MED13L: variants seen among roughly 807,000 people sequenced by gnomAD.
MED13L encodes mediator complex subunit 13L, also known as mediator of RNA polymerase II transcription subunit 13-like.
In MED13L, 7 loss-of-function variants were observed where a neutral mutation model predicts 220.9. That is an observed-to-expected ratio of 0.03 (90% CI 0.02 to 0.06). MED13L has a LOEUF of 0.06. Ranked by LOEUF, MED13L falls within the 10% of genes least tolerant of loss-of-function variation. MED13L has a pLI of 1.00. For synonymous variants in MED13L, 1,011 were observed against 1,015.2 expected, an observed-to-expected ratio of 1.00 and a Z score of 0.08; for missense variants, 1,965 against 2,760.5, an observed-to-expected ratio of 0.71 and a Z score of 6.46.
chr12:116,205,358 A>G (rs903033483), intron 2 of MED13L, among the ~76,000 whole-genome samples: 3 of 151,884 alleles, frequency 2.0e-5, no homozygotes, highest in Admixed American at 2.0e-4. Context: ...TTTACACTCA[A>G]TGAGACTCAA....
intron 2 of MED13L, among the ~76,000 whole-genome samples, chr12:116,227,007 C>T (rs899420259): frequency 2.0e-5 from 3 of 150,706 alleles, no homozygotes; most frequent in Admixed American, 6.6e-5. Context: ...CTGAGTATAT[C>T]AAGTTTTAAT....
intron 19 of MED13L, among the ~76,000 whole-genome samples, chr12:115,984,891 G>T (rs1877582012): frequency 6.6e-6 from 1 of 151,666 alleles, no homozygotes; most frequent in African/African-American, 2.4e-5. Context: ...AAGTAAATAG[G>T]ACAAGGAGAT....
chr12:116,034,172 C>T (rs1468676340), intron 4 of MED13L, among the ~76,000 whole-genome samples: 2 of 152,068 alleles, frequency 1.3e-5, no homozygotes, highest in Non-Finnish European at 1.5e-5. Context: ...CACAGCACTT[C>T]GATTTTTATA....
intron 14 of MED13L, 65 bp downstream of exon 14, chr12:116,002,938 T>G: frequency 2.7e-4 from 333 of 1,243,034 alleles, no homozygotes; most frequent in Non-Finnish European, 3.5e-4. Flanking sequence ...CCACTAAGTA[T>G]GAGAATATTA....
chr12:116,028,094 T>C (rs1176428632), intron 4 of MED13L, among the ~76,000 whole-genome samples: 3 of 152,310 alleles, frequency 2.0e-5, no homozygotes, highest in Middle Eastern at 3.4e-3. Flanking sequence ...ACGACTGGAA[T>C]TGGCCTTAAA....
intron 1 of MED13L, among the ~76,000 whole-genome samples, chr12:116,264,760 A>C (rs981459142): frequency 6.6e-6 from 1 of 152,116 alleles, no homozygotes; most frequent in African/African-American, 2.4e-5. Context: ...CAACAAACAC[A>C]AATCTACCTT....
At chr12:116,022,399 A>T in intron 5 of MED13L, 57 bp downstream of exon 5, 1 of 1,603,910 alleles carries the variant, frequency 6.2e-7, no homozygotes, top group Non-Finnish European at 8.5e-7. Context: ...TTACTGGGCA[A>T]GATGGTTATC....
At chr12:116,027,861 A>T (rs1880497533) in intron 4 of MED13L, among the ~76,000 whole-genome samples, 1 of 152,250 alleles carries the variant, frequency 6.6e-6, no homozygotes, top group African/African-American at 2.4e-5. Flanking sequence ...TTCAACAATG[A>T]GTTGTCACTC....
chr12:116,001,977 A>C (rs764972446), intron 14 of MED13L, among the ~76,000 whole-genome samples: 3 of 152,242 alleles, frequency 2.0e-5, no homozygotes, highest in Non-Finnish European at 2.9e-5. Context: ...AAAAAGGGTA[A>C]AGGATCAATG....
intron 1 of MED13L, among the ~76,000 whole-genome samples, chr12:116,263,525 A>C (rs764285149): frequency 4.6e-5 from 7 of 152,216 alleles, no homozygotes; most frequent in African/African-American, 7.2e-5. Flanking sequence ...CTATTGTGCT[A>C]ATCTCCAACT....
At chr12:116,150,408 C>G (rs376505431) in intron 2 of MED13L, among the ~76,000 whole-genome samples, 47 of 152,320 alleles carry the variant, frequency 3.1e-4, no homozygotes, top group African/African-American at 1.1e-3. Flanking sequence ...TTCTACTCTT[C>G]TTGTTACATC....
chr12:116,186,470 T>C (rs1227093258), intron 2 of MED13L, among the ~76,000 whole-genome samples: 1 of 151,706 alleles, frequency 6.6e-6, no homozygotes, highest in Non-Finnish European at 1.5e-5. Context: ...CACAGCAAAC[T>C]TTTTTTTTCC....
Position 116,031,759 on chromosome 12 carries a change from A to AGAAAGAAGGAAGGAAGGAAG in MED13L, c.480-9159_480-9158insCTTCCTTCCTTCCTTCTTTC, listed in dbSNP as rs1592967502. Among the ~76,000 whole-genome samples the AGAAAGAAGGAAGGAAGGAAG allele has an allele frequency of 8.5e-4, 35 of 40,986 alleles. 2 individuals are homozygous for AGAAAGAAGGAAGGAAGGAAG. Among genetic ancestry groups the AGAAAGAAGGAAGGAAGGAAG allele is most frequent in the East Asian group, 5.5e-3 (7 of 1,278 alleles). The allele number at this position is 40,986 out of a possible 152,430, so 26.9% of individuals were successfully genotyped here. A position where few individuals can be genotyped will look rare whatever the true frequency, so the allele number is the denominator to read the frequency against. Reference sequence around the variant, plus strand: ...AGAAAAGAAAAGAAAAGAAAAGAAAAGAAGGAAGGAAGGAAGGAAGGAAGG... The same window carrying AGAAAGAAGGAAGGAAGGAAG: ...AGAAAAGAAAAGAAAAGAAAAGAAAAGAAAGAAGGAAGGAAGGAAGGAAGGAAGGAAGGAAGGAAGGAAGG... On this transcript the variant is annotated intron_variant, in intron 4 of 30. Transcript: ENST00000281928.
chr12:116,003,087 G>A lies in MED13L; in HGVS notation c.2485C>T (p.Leu829=), dbSNP rs977124027. 3 of 1,613,952 alleles carry A rather than the reference G, an allele frequency of 1.9e-6. No homozygotes were observed. The highest frequency in any genetic ancestry group is 1.7e-5 in the Admixed American group (1 of 60,006). ...DDELGAVSPA[L]RSSKMPAVGT... is the part of the protein sequence containing the mutation. ...ACTGCAGGCATTTTTGATGAGCGCAGAGCAGGTGATACAGCCTAAGAACAG... is the reference window on the plus strand; with the variant it reads ...ACTGCAGGCATTTTTGATGAGCGCAAAGCAGGTGATACAGCCTAAGAACAG... Residue 829 remains leucine (L), a synonymous_variant, in exon 14 of 31, where the codon CTG becomes TTG. Coordinates refer to ENST00000281928, the MANE Select transcript of MED13L (RefSeq NM_015335.5).
intron 1 of MED13L, among the ~76,000 whole-genome samples, chr12:116,248,762 TAAGAA>T (rs1296704945): frequency 6.6e-6 from 1 of 152,246 alleles, no homozygotes; most frequent in Non-Finnish European, 1.5e-5. Flanking sequence ...TCTGGTTCTA[TAAGAA>T]AAAGTCTGCT....
At chr12:116,136,217 C>T (rs1048484303) in intron 2 of MED13L, among the ~76,000 whole-genome samples, 7 of 152,008 alleles carry the variant, frequency 4.6e-5, no homozygotes, top group Non-Finnish European at 7.4e-5. Flanking sequence ...ATTCTTTTGG[C>T]TGTTGTTGTG....
chr12:116,102,697 CTTTTTCTTTTTTCTT>C (rs1873167404), intron 3 of MED13L, among the ~76,000 whole-genome samples: 3 of 73,272 alleles, frequency 4.1e-5, no homozygotes, highest in African/African-American at 1.3e-4. Context: ...TTTTCTTTTT[CTTTTTCTTTTTTCTT>C]TTTTTTTTTT....
chr12:116,194,268 C>T (rs768978052), intron 2 of MED13L, among the ~76,000 whole-genome samples: 2 of 152,042 alleles, frequency 1.3e-5, no homozygotes, highest in Non-Finnish European at 2.9e-5. Flanking sequence ...TGGGTTTAAG[C>T]GATTCTCCTG....
chr12:116,233,195 T>G (rs1448817537), intron 2 of MED13L, among the ~76,000 whole-genome samples: 1 of 151,954 alleles, frequency 6.6e-6, no homozygotes, highest in African/African-American at 2.4e-5. Context: ...AATGTAGAAT[T>G]TAGTCAAGCC....
Sources: allele counts gnomAD v4.1 joint callset (sites outside exome capture counted in the v4.1 genomes callset), GRCh38; gene constraint gnomAD v4.1.1; transcripts MANE v1.5; gene names NCBI Gene and HGNC (gene_info 2026-07-23, HGNC 2026-07-21).